Variants in NAV2 observed in about 807,000 individuals in gnomAD.
NAV2 encodes helicase, APC down-regulated 1.
In NAV2, 54 loss-of-function variants were observed where a neutral mutation model predicts 223.2. The observed-to-expected ratio is 0.24, with a 90% CI of 0.19 to 0.30. NAV2 has a LOEUF of 0.30. NAV2 is among the 10% of genes least tolerant of loss of function. The probability of loss-of-function intolerance (pLI) is 1.00; values close to 1 mark genes in which losing one functional copy is unlikely to be tolerated. For missense variants in NAV2, 2,806 were observed against 3,147.5 expected (o/e 0.89, Z 2.60); for synonymous variants, 1,279 against 1,239.3 (o/e 1.03, Z -0.67).
At chr11:19,843,787 C>G (rs1027263084) in intron 3 of NAV2, among the ~76,000 whole-genome samples, 7 of 146,904 alleles carry the variant, frequency 4.8e-5, no homozygotes, top group Admixed American at 4.7e-4. Context: ...GCTTAATTTG[C>G]TTCTGTAACC....
intron 6 of NAV2, among the ~76,000 whole-genome samples, chr11:19,909,809 T>A (rs1394980927): frequency 6.6e-6 from 1 of 152,160 alleles, no homozygotes; most frequent in Non-Finnish European, 1.5e-5. Context: ...CTCCTCCTCC[T>A]CTTCATCACT....
intron 6 of NAV2, among the ~76,000 whole-genome samples, chr11:19,904,357 G>A (rs1302659305): frequency 6.6e-6 from 1 of 152,092 alleles, no homozygotes; most frequent in Non-Finnish European, 1.5e-5. Context: ...TGATGGAAGA[G>A]ACAGTAAACA....
chr11:19,365,584 C>T (rs973295274), intron 1 of NAV2, among the ~76,000 whole-genome samples: 1 of 152,198 alleles, frequency 6.6e-6, no homozygotes, highest in East Asian at 1.9e-4. Flanking sequence ...TCAGTAAGTG[C>T]TGACCAGAAG....
intron 19 of NAV2, among the ~76,000 whole-genome samples, chr11:20,062,014 A>G (rs2058739457): frequency 6.6e-6 from 1 of 152,216 alleles, no homozygotes; most frequent in Non-Finnish European, 1.5e-5. Flanking sequence ...GCTTCTTAAC[A>G]CTTCTCCGTA....
Position 19,832,588 on chromosome 11 carries a change from T to C in NAV2, c.372T>C (p.Ile124=), listed in dbSNP as rs375707627. 2.2e-5 allele frequency: 35 copies of C among 1,614,136 alleles called. No individual in the cohort carries two copies. The African/African-American group carries it at 4.4e-4, about 20-fold the overall frequency. The change falls in exon 2 of 38, where the codon ATT becomes ATC. Residue 124 remains isoleucine, a synonymous_variant. Coordinates refer to ENST00000349880, the MANE Select transcript of NAV2 (RefSeq NM_145117.5). ...CAGATGGCGTCCTCCTGGCCCAGATTATCCAGGTTGTGGGTAAGAGCAGAT... is the reference window on the plus strand; with the variant it reads ...CAGATGGCGTCCTCCTGGCCCAGATCATCCAGGTTGTGGGTAAGAGCAGAT... ...DVTDGVLLAQ[I]IQVVANEKIE...
chr11:19,624,599 T>C (rs189376932), intron 1 of NAV2, among the ~76,000 whole-genome samples: 3 of 152,324 alleles, frequency 2.0e-5, no homozygotes, highest in African/African-American at 7.2e-5. Flanking sequence ...CTGAGACTGT[T>C]GGAAAAGCAC....
At position 19,525,688 on chromosome 11, in the gene NAV2, C is replaced by T. The variant is rs1024680268; in HGVS notation, c.75+174661C>T. On this transcript the variant is annotated intron_variant, in intron 1 of 37. Coordinates refer to the NAV2 transcript ENST00000360655. ...AACTGCGGGGATAGTCTTGTTCCCA[C>T]AGAAGAAGTGGTTGGAGAAATACCT... Among the ~76,000 whole-genome samples the T allele has an allele frequency of 2.0e-4, 31 of 152,282 alleles. No homozygotes were observed. The East Asian group carries it at 2.9e-3, about 14-fold the overall frequency.
Position 19,897,886 on chromosome 11 carries a change from T to TATATATATATATATATATATATATA in NAV2, c.931+5292_931+5293insATATATATATATATATATATATATA, listed in dbSNP as rs1555129987. 7.5e-5 allele frequency among the ~76,000 whole-genome samples: 9 copies of TATATATATATATATATATATATATA among 120,686 alleles called. 1 individual carries two copies. Among genetic ancestry groups the TATATATATATATATATATATATATA allele is most frequent in the African/African-American group, 2.7e-4 (8 of 29,686 alleles). The allele number at this position is 120,686 out of a possible 152,430, so 79.2% of individuals were successfully genotyped here. A position where few individuals can be genotyped will look rare whatever the true frequency, so the allele number is the denominator to read the frequency against. ...GCCACAGCTGTGCCTGACCTGTGAT[T>TATATATATATATATATATATATATA]TATATATATATATATATATGTGAGC... On this transcript the variant is annotated intron_variant, in intron 6 of 37. Transcript: ENST00000349880.
intron 1 of NAV2, among the ~76,000 whole-genome samples, chr11:19,582,248 G>C (rs2045742369): frequency 6.6e-6 from 1 of 152,174 alleles, no homozygotes; most frequent in Non-Finnish European, 1.5e-5. Context: ...GGAGTTCATT[G>C]TAGATTCTGG....
intron 10 of NAV2, among the ~76,000 whole-genome samples, chr11:19,965,169 G>T (rs1175991210): frequency 6.6e-6 from 1 of 151,960 alleles, no homozygotes; most frequent in Admixed American, 6.6e-5. Context: ...TTCTCCTGTT[G>T]AGGACACAGG....
At position 19,953,862 on chromosome 11, in the gene NAV2, T is replaced by C. The variant is rs113442590; in HGVS notation, c.2645+4782T>C. ...CAAGAAATGTGCACGCGCGCGCGTG[T>C]GTGTGTGTGTGTGTGTGTGTCTTTC... On this transcript the variant is annotated intron_variant, in intron 10 of 37. Coordinates refer to ENST00000349880, the MANE Select transcript of NAV2 (RefSeq NM_145117.5). Among the ~76,000 whole-genome samples the C allele has an allele frequency of 6.0e-3, 893 of 148,762 alleles. 9 individuals carry two copies. Among genetic ancestry groups the C allele is most frequent in the African/African-American group, 0.017 (702 of 40,938 alleles).
chr11:19,600,638 G>A (rs1392800320), intron 1 of NAV2, among the ~76,000 whole-genome samples: 1 of 152,156 alleles, frequency 6.6e-6, no homozygotes, highest in East Asian at 1.9e-4. Flanking sequence ...ATTTGGGCGG[G>A]TTTCTTAGCT....
intron 1 of NAV2, among the ~76,000 whole-genome samples, chr11:19,646,096 C>T (rs1048045200): frequency 2.0e-5 from 3 of 152,322 alleles, no homozygotes; most frequent in African/African-American, 7.2e-5. Context: ...TTAGAACCTG[C>T]ACCCACCTTG....
intron 10 of NAV2, among the ~76,000 whole-genome samples, chr11:19,965,120 C>T (rs2048661199): frequency 6.6e-6 from 1 of 152,028 alleles, no homozygotes; most frequent in African/African-American, 2.4e-5. Flanking sequence ...GACCCAGCCT[C>T]CTATTTTAAT....
intron 11 of NAV2, among the ~76,000 whole-genome samples, chr11:20,000,557 A>G (rs1162000092): frequency 6.6e-6 from 1 of 152,154 alleles, no homozygotes. Flanking sequence ...CAGTTTAAAC[A>G]AAGGCCTCAA....
chr11:19,632,210 G>A (rs184445447), intron 1 of NAV2, among the ~76,000 whole-genome samples: 22 of 152,294 alleles, frequency 1.4e-4, no homozygotes, highest in Middle Eastern at 3.4e-3. Flanking sequence ...TTATAGGGAC[G>A]GTTTGGTGCG....
intron 11 of NAV2, among the ~76,000 whole-genome samples, chr11:20,012,979 C>T (rs555529562): frequency 1.5e-4 from 23 of 152,242 alleles, no homozygotes; most frequent in South Asian, 4.2e-4. Context: ...TAGGGAATGT[C>T]AGAAGGATGA....
chr11:19,590,567 G>T (rs1243782244), intron 1 of NAV2, among the ~76,000 whole-genome samples: 1 of 152,164 alleles, frequency 6.6e-6, no homozygotes, highest in Non-Finnish European at 1.5e-5. Flanking sequence ...TCAGAAGCTT[G>T]AGTTTATATC....
chr11:19,641,754 C>T (rs1375262232), intron 1 of NAV2, among the ~76,000 whole-genome samples: 2 of 152,106 alleles, frequency 1.3e-5, no homozygotes, highest in Admixed American at 1.3e-4. Flanking sequence ...GCCCCTGGCC[C>T]CGCCCAGGAA....
Sources: allele counts gnomAD v4.1 joint callset (sites outside exome capture counted in the v4.1 genomes callset), GRCh38; gene constraint gnomAD v4.1.1; transcripts MANE v1.5; gene names NCBI Gene and HGNC (gene_info 2026-07-23, HGNC 2026-07-21).